MAPK10: variants seen among roughly 807,000 people sequenced by gnomAD.
MAPK10 encodes mitogen-activated protein kinase 10, also known as JNK3 alpha protein kinase.
A neutral mutation model predicts 59.3 loss-of-function variants in MAPK10; 25 were observed. That is an observed-to-expected ratio of 0.42 (90% CI 0.31 to 0.59). MAPK10 has a LOEUF of 0.59. MAPK10 is among the 20% of genes least tolerant of loss of function. The pLI is 0.15. For missense variants in MAPK10, 351 were observed against 568.9 expected, an observed-to-expected ratio of 0.62 and a Z score of 3.90; for synonymous variants, 190 against 200.5, an observed-to-expected ratio of 0.95 and a Z score of 0.44.
chr4:86,450,010 G>T (rs2149054127), intron 1 of MAPK10, among the ~76,000 whole-genome samples: 1 of 152,348 alleles, frequency 6.6e-6, no homozygotes, highest in South Asian at 2.1e-4. Flanking sequence ...ATGCAGCCCA[G>T]CTGATCCTTT....
At chr4:86,021,152 C>T (rs1746526061) in intron 13 of MAPK10, among the ~76,000 whole-genome samples, 2 of 152,192 alleles carry the variant, frequency 1.3e-5, no homozygotes, top group South Asian at 4.1e-4. Flanking sequence ...TGGATTGGTG[C>T]ACTCACAAAC....
chr4:86,029,198 T>TCCTTCACG lies in MAPK10; in HGVS notation c.1250_1251insCGTGAAGG (p.Gly418ValfsTer7). Reference sequence around the variant, plus strand: ...TGGTTATTCACGGAGAGTGAGTACCTGAAGGAGAAGGCTGTCCTTTTACTA... The same window carrying TCCTTCACG: ...TGGTTATTCACGGAGAGTGAGTACCTCCTTCACGGAAGGAGAAGGCTGTCCTTTTACTA... On this transcript the variant is annotated frameshift_variant and splice_region_variant, in exon 13 of 14. Coordinates refer to ENST00000641462, the MANE Select transcript of MAPK10 (RefSeq NM_138982.4). LOFTEE classifies it high-confidence loss of function. 6.2e-7 allele frequency: 1 copy of TCCTTCACG among 1,604,230 alleles called. No individual in the cohort carries two copies. Among genetic ancestry groups the TCCTTCACG allele is most frequent in the Non-Finnish European group, 8.5e-7 (1 of 1,171,388 alleles).
At chr4:86,025,291 T>C in intron 13 of MAPK10, 1 of 383,932 alleles carries the variant, frequency 2.6e-6, no homozygotes. Flanking sequence ...TGAAAACTAT[T>C]TGCTTCTGTA....
At chr4:86,419,959 A>G (rs1579147547) in intron 1 of MAPK10, among the ~76,000 whole-genome samples, 1 of 152,236 alleles carries the variant, frequency 6.6e-6, no homozygotes, top group East Asian at 1.9e-4. Flanking sequence ...TTTGTTCTCA[A>G]AATAGATACA....
intron 4 of MAPK10, among the ~76,000 whole-genome samples, chr4:86,136,399 G>C (rs1310896021): frequency 6.6e-6 from 1 of 152,110 alleles, no homozygotes; most frequent in South Asian, 2.1e-4. Context: ...TTAAAGAAAA[G>C]AATTTTCAAC....
chr4:86,338,666 C>G (rs761199694), intron 2 of MAPK10, among the ~76,000 whole-genome samples: 35 of 152,154 alleles, frequency 2.3e-4, no homozygotes, highest in Non-Finnish European at 2.6e-4. Flanking sequence ...TTGCTCTTCC[C>G]AGTCCTAGTA....
At chr4:86,074,459 T>G (rs911529279) in intron 9 of MAPK10, among the ~76,000 whole-genome samples, 1 of 150,854 alleles carries the variant, frequency 6.6e-6, no homozygotes, top group African/African-American at 2.5e-5. Context: ...GTGATTTTGC[T>G]CGTTAGTTGA....
chr4:86,366,379 T>A (rs1578925180), intron 1 of MAPK10, among the ~76,000 whole-genome samples: 1 of 152,162 alleles, frequency 6.6e-6, no homozygotes, highest in East Asian at 1.9e-4. Context: ...ATTCTTAAGA[T>A]CTGTGCATTT....
At chr4:86,398,493 C>T (rs1743264895) in intron 1 of MAPK10, among the ~76,000 whole-genome samples, 1 of 152,180 alleles carries the variant, frequency 6.6e-6, no homozygotes, top group South Asian at 2.1e-4. Flanking sequence ...AATATTATGT[C>T]TGCAGAGTCC....
At chr4:86,429,458 C>T (rs975917930) in intron 1 of MAPK10, among the ~76,000 whole-genome samples, 2 of 152,058 alleles carry the variant, frequency 1.3e-5, no homozygotes, top group Admixed American at 6.6e-5. Context: ...GTTTATTATT[C>T]TGTTATTATC....
chr4:86,457,473 A>C (rs753847569), upstream of MAPK10, among the ~76,000 whole-genome samples: 4 of 152,220 alleles, frequency 2.6e-5, no homozygotes, highest in Admixed American at 6.5e-5. Context: ...CAGATACAAA[A>C]ATCAACATAC....
intron 3 of MAPK10, chr4:86,164,530 G>A (rs373829378): frequency 5.3e-5 from 8 of 152,066 alleles, no homozygotes; most frequent in South Asian, 4.2e-4. Flanking sequence ...TAAACTTCAG[G>A]AAGAACATAT....
intron 3 of MAPK10, among the ~76,000 whole-genome samples, chr4:86,189,115 G>T (rs2079026454): frequency 6.6e-6 from 1 of 152,038 alleles, no homozygotes. Flanking sequence ...ATTTGTTTTG[G>T]TACCAGCACC....
intron 1 of MAPK10, among the ~76,000 whole-genome samples, chr4:86,491,849 ATTATT>A (rs892089742): frequency 8.5e-5 from 13 of 152,110 alleles, no homozygotes; most frequent in African/African-American, 2.7e-4. Context: ...TGTGTGTGTG[ATTATT>A]TTATTTTATT....
chr4:86,516,216 T>A (rs910133834), intron 1 of MAPK10, among the ~76,000 whole-genome samples: 6 of 152,198 alleles, frequency 3.9e-5, no homozygotes, highest in Non-Finnish European at 5.9e-5. Context: ...ATTTCTGGGT[T>A]CTCTATTCTG....
At chr4:86,496,913 A>G (rs1579399386) in intron 1 of MAPK10, among the ~76,000 whole-genome samples, 1 of 152,310 alleles carries the variant, frequency 6.6e-6, no homozygotes, top group Middle Eastern at 3.4e-3. Context: ...CCTGCAAATA[A>G]TTAGCTAAAA....
intron 1 of MAPK10, among the ~76,000 whole-genome samples, chr4:86,500,594 C>G (rs1755231081): frequency 6.6e-6 from 1 of 152,092 alleles, no homozygotes; most frequent in Admixed American, 6.6e-5. Context: ...CACCTGTATC[C>G]TGTAGAACTC....
At chr4:86,244,777 G>A (rs1480096868) in intron 2 of MAPK10, among the ~76,000 whole-genome samples, 3 of 152,198 alleles carry the variant, frequency 2.0e-5, no homozygotes, top group Non-Finnish European at 2.9e-5. Flanking sequence ...CTCTAGGCTG[G>A]ATAATGAAAG....
At chr4:86,581,457 A>G (rs1368324662) in intron 1 of MAPK10, among the ~76,000 whole-genome samples, 1 of 152,172 alleles carries the variant, frequency 6.6e-6, no homozygotes, top group Non-Finnish European at 1.5e-5. Flanking sequence ...TCAAATACAA[A>G]TTATATTAGT....
Sources: gnomAD v4.1 joint callset for allele counts (sites outside exome capture counted in the v4.1 genomes callset) on GRCh38, gnomAD v4.1.1 for gene constraint, MANE v1.5 for transcripts, NCBI Gene and HGNC (gene_info 2026-07-23, HGNC 2026-07-21) for gene names.